TMEM232: variants seen among roughly 807,000 people sequenced by gnomAD.
TMEM232 encodes transmembrane protein 232.
TMEM232 carries 80 observed loss-of-function variants against 78.8 expected under a neutral mutation model. The ratio of observed to expected loss-of-function variants is 1.01; its 90% confidence interval spans 0.85 to 1.22. TMEM232 has a LOEUF of 1.22. Among genes scored for constraint, TMEM232 ranks in the 50% most tolerant of loss-of-function variants. The probability of loss-of-function intolerance (pLI) is 0.00; values close to 1 mark genes in which losing one functional copy is unlikely to be tolerated. For synonymous variants in TMEM232, 297 were observed against 254.3 expected, an observed-to-expected ratio of 1.17 and a Z score of -1.60; for missense variants, 881 against 742.2, an observed-to-expected ratio of 1.19 and a Z score of -2.17.
chr5:110,672,144 C>T (rs1430056740), intron 1 of TMEM232, among the ~76,000 whole-genome samples: 4 of 152,138 alleles, frequency 2.6e-5, no homozygotes, highest in Admixed American at 6.6e-5. Context: ...TGAGATATTT[C>T]ACAGAGTTGG....
chr5:110,729,771 T>C (rs1798502674), upstream of TMEM232, among the ~76,000 whole-genome samples: 1 of 152,212 alleles, frequency 6.6e-6, no homozygotes, highest in Admixed American at 6.5e-5. Flanking sequence ...AGCATTTTTT[T>C]TTCCTGTCCA....
intron 10 of TMEM232, among the ~76,000 whole-genome samples, chr5:110,578,483 G>C (rs1777814921): frequency 6.6e-6 from 1 of 151,956 alleles, no homozygotes; most frequent in Non-Finnish European, 1.5e-5. Flanking sequence ...CTAAAACTGA[G>C]CTGTGACTCA....
At chr5:110,553,661 C>T (rs1256807476) in intron 11 of TMEM232, among the ~76,000 whole-genome samples, 1 of 152,132 alleles carries the variant, frequency 6.6e-6, no homozygotes, top group Non-Finnish European at 1.5e-5. Flanking sequence ...AGAGTCATAT[C>T]ATCTTATAAG....
intron 13 of TMEM232, among the ~76,000 whole-genome samples, chr5:110,422,077 A>G (rs987782148): frequency 6.6e-6 from 1 of 152,184 alleles, no homozygotes; most frequent in African/African-American, 2.4e-5. Flanking sequence ...CAACTATGAC[A>G]CATTATTTTT....
At chr5:110,405,226 T>A (rs1755741771) in intron 2 of TMEM232, among the ~76,000 whole-genome samples, 1 of 152,134 alleles carries the variant, frequency 6.6e-6, no homozygotes, top group Non-Finnish European at 1.5e-5. Flanking sequence ...TGCTGTGATG[T>A]AGCACAGGCT....
chr5:110,705,554 C>G (rs1795838747), intron 1 of TMEM232, among the ~76,000 whole-genome samples: 1 of 151,896 alleles, frequency 6.6e-6, no homozygotes, highest in Non-Finnish European at 1.5e-5. Flanking sequence ...GCTGACCATG[C>G]TAATTCAAAT....
chr5:110,476,041 ACT>A (rs1331930849), intron 12 of TMEM232, among the ~76,000 whole-genome samples: 7 of 151,900 alleles, frequency 4.6e-5, no homozygotes, highest in African/African-American at 1.7e-4. Flanking sequence ...TTTATTACTA[ACT>A]CTGTAGGTAT....
At chr5:110,521,840 C>G (rs946072330) in intron 12 of TMEM232, among the ~76,000 whole-genome samples, 1 of 152,058 alleles carries the variant, frequency 6.6e-6, no homozygotes, top group Admixed American at 6.6e-5. Flanking sequence ...ATGCTAATAC[C>G]ATACTCTTTT....
chr5:110,480,777 G>GT (rs1390977136), intron 12 of TMEM232, among the ~76,000 whole-genome samples: 3 of 151,982 alleles, frequency 2.0e-5, no homozygotes, highest in African/African-American at 7.2e-5. Flanking sequence ...ATTCAAAAAA[G>GT]TATCAGTCAA....
chr5:110,478,231 A>T (rs1763464434), intron 12 of TMEM232, among the ~76,000 whole-genome samples: 1 of 151,994 alleles, frequency 6.6e-6, no homozygotes, highest in South Asian at 2.1e-4. Flanking sequence ...ATGTAAATCA[A>T]TCTGATCACT....
intron 12 of TMEM232, among the ~76,000 whole-genome samples, chr5:110,451,265 C>T (rs1760245469): frequency 6.6e-6 from 1 of 152,024 alleles, no homozygotes; most frequent in African/African-American, 2.4e-5. Flanking sequence ...TCTTTAAATC[C>T]CAAATTCCTT....
chr5:110,457,433 C>T (rs1761024450), intron 12 of TMEM232, among the ~76,000 whole-genome samples: 1 of 152,058 alleles, frequency 6.6e-6, no homozygotes, highest in Non-Finnish European at 1.5e-5. Context: ...GTTACAGCAA[C>T]TTTAGAAAAC....
intron 13 of TMEM232, among the ~76,000 whole-genome samples, chr5:110,423,482 C>T (rs1756894976): frequency 6.6e-6 from 1 of 152,086 alleles, no homozygotes; most frequent in African/African-American, 2.4e-5. Context: ...TATTTAGAGA[C>T]AATTCAATAA....
intron 1 of TMEM232, among the ~76,000 whole-genome samples, chr5:110,668,506 C>A (rs1343232498): frequency 1.3e-5 from 2 of 152,084 alleles, no homozygotes; most frequent in African/African-American, 2.4e-5. Flanking sequence ...GAAAGCAGAT[C>A]TGAGTGGCAA....
intron 2 of TMEM232, among the ~76,000 whole-genome samples, chr5:110,408,722 CA>C (rs1385334836): frequency 6.6e-6 from 1 of 151,996 alleles, no homozygotes; most frequent in Non-Finnish European, 1.5e-5. Flanking sequence ...TAAGTAACAT[CA>C]GGAGTAAAAA....
intron 12 of TMEM232, among the ~76,000 whole-genome samples, chr5:110,441,088 A>C (rs549365368): frequency 6.6e-6 from 1 of 152,220 alleles, no homozygotes; most frequent in East Asian, 1.9e-4. Context: ...ACTTCTGTTC[A>C]TGGTTCTTGC....
At chr5:110,414,426 TA>T (rs1307686258) in intron 2 of TMEM232, among the ~76,000 whole-genome samples, 1 of 152,234 alleles carries the variant, frequency 6.6e-6, no homozygotes, top group African/African-American at 2.4e-5. Context: ...GTTTAGAACA[TA>T]TATCTCTAAT....
intron 6 of TMEM232, 196 bp from the exon 7 acceptor site, chr5:110,625,629 G>C (rs938271348): frequency 5.6e-6 from 2 of 356,312 alleles, no homozygotes; most frequent in Non-Finnish European, 9.8e-6. Flanking sequence ...TAATTTATAC[G>C]TAAGAGTTTA....
At chr5:110,687,371 C>A (rs1379977650) in intron 1 of TMEM232, among the ~76,000 whole-genome samples, 2 of 152,144 alleles carry the variant, frequency 1.3e-5, no homozygotes, top group Non-Finnish European at 2.9e-5. Context: ...GTCCTCAAAT[C>A]TGACCCAAAT....
Sources: allele counts gnomAD v4.1 joint callset (sites outside exome capture counted in the v4.1 genomes callset), GRCh38; gene constraint gnomAD v4.1.1; transcripts MANE v1.5; gene names NCBI Gene and HGNC (gene_info 2026-07-23, HGNC 2026-07-21).